Variants in LVRN observed in about 807,000 individuals in gnomAD.
LVRN encodes laeverin, also known as aminopeptidase Q.
In LVRN, 99 loss-of-function variants were observed where a neutral mutation model predicts 111.4. The observed-to-expected ratio is 0.89, with a 90% CI of 0.76 to 1.05. The LOEUF is 1.05. Among genes scored for constraint, LVRN ranks in the 50% least tolerant of loss-of-function variants. The pLI, the probability that LVRN is intolerant of heterozygous loss-of-function variation, is 0.00. For missense variants in LVRN, 1,414 were observed against 1,206.8 expected, an observed-to-expected ratio of 1.17 and a Z score of -2.54; for synonymous variants, 488 against 449.5, an observed-to-expected ratio of 1.09 and a Z score of -1.08.
chr5:115,963,202 C>T lies in LVRN; in HGVS notation c.585C>T (p.Pro195=), dbSNP rs763929908. The stretch of plus-strand genomic sequence containing the variant: ...ACATGGTGCTGGAGCTCAGTGAGCC[C>T]CTGAAACCTGGTAGCAGCTACGAGC... ...TEYMVLELSE[P]LKPGSSYELQ... The change falls in exon 1 of 20, where the codon CCC becomes CCT. Residue 195 remains proline (P), a synonymous_variant. Transcript: ENST00000357872. 1.9e-6 allele frequency: 3 copies of T among 1,612,826 alleles called. No individual in the cohort carries two copies. The Admixed American group carries it at 5.0e-5, about 27-fold the overall frequency.
At chr5:116,011,336 T>C (rs149811696) in intron 14 of LVRN, among the ~76,000 whole-genome samples, 19 of 152,004 alleles carry the variant, frequency 1.2e-4, no homozygotes, top group African/African-American at 3.9e-4. Flanking sequence ...TCCAGAGAGA[T>C]ATATTCCAGA....
intron 18 of LVRN, chr5:116,019,834 C>G (rs1748677298): frequency 6.6e-6 from 1 of 152,216 alleles, no homozygotes; most frequent in Non-Finnish European, 1.5e-5. Context: ...CAAATACCAT[C>G]TCAGGTCCAG....
chr5:115,996,058 T>C (rs934421101), intron 6 of LVRN, among the ~76,000 whole-genome samples: 3 of 152,198 alleles, frequency 2.0e-5, no homozygotes, highest in Non-Finnish European at 4.4e-5. Context: ...AAATTGTTTG[T>C]ATCTCTCTTT....
chr5:115,970,271 C>T (rs1466205463), intron 1 of LVRN, among the ~76,000 whole-genome samples: 2 of 152,078 alleles, frequency 1.3e-5, no homozygotes, highest in Non-Finnish European at 2.9e-5. Context: ...AATTATGGAT[C>T]TGCTTTCTGT....
At chr5:115,975,800 CACTTGGGATATTGAACTTGTTGTTG>C (rs796155989) in intron 1 of LVRN, 9 of 152,746 alleles carry the variant, frequency 5.9e-5, no homozygotes, top group African/African-American at 2.2e-4. Context: ...TGTCTGCTTG[CACTTGGGATATTGAACTTGTTGTTG>C]ACTCTTTGTA....
intron 1 of LVRN, chr5:115,975,399 G>A (rs144987644): frequency 4.0e-5 from 8 of 202,370 alleles, no homozygotes; most frequent in South Asian, 3.5e-4. Flanking sequence ...CTCCACCACC[G>A]TATAACAAAT....
intron 3 of LVRN, among the ~76,000 whole-genome samples, chr5:115,987,166 C>A (rs1171521291): frequency 6.6e-6 from 1 of 151,924 alleles, no homozygotes; most frequent in Non-Finnish European, 1.5e-5. Context: ...ACAAAACGGA[C>A]AAAACATGGC....
chr5:116,003,165 C>A, intron 11 of LVRN, 76 bp from the exon 12 acceptor site: 1 of 1,302,244 alleles, frequency 7.7e-7, no homozygotes, highest in Non-Finnish European at 1.1e-6. Flanking sequence ...TGTTTAGAAT[C>A]GAGTGTGTAG....
rs1480109811 is a variant in LVRN, at chr5:116,003,304, T to G, written c.1961T>G (p.Met654Arg). The G allele has an allele frequency of 6.4e-7, 1 of 1,565,566 alleles. No homozygotes were observed. Among genetic ancestry groups the G allele is most frequent in the Non-Finnish European group, 8.7e-7 (1 of 1,147,902 alleles). The change falls in exon 12 of 20, where the codon ATG (methionine) becomes AGG (arginine). Residue 654 changes from methionine (M) to arginine (R), a missense_variant. Met to Arg is a moderately conservative substitution (Grantham distance 91, BLOSUM62 -1). Coordinates refer to ENST00000357872, the MANE Select transcript of LVRN (RefSeq NM_173800.5). ...DHDWVILNLN[M>R]TGYYRVNYDK... ...GACTGGGTGATTTTGAATTTGAATA[T>G]GACTGGATATTATAGAGTTAATTAT...
intron 1 of LVRN, among the ~76,000 whole-genome samples, chr5:115,971,369 A>G (rs1234951495): frequency 6.6e-6 from 1 of 152,192 alleles, no homozygotes; most frequent in Non-Finnish European, 1.5e-5. Flanking sequence ...CCTTATATAT[A>G]TCAAGCTTTT....
intron 1 of LVRN, among the ~76,000 whole-genome samples, chr5:115,965,398 C>CTAT (rs1397353624): frequency 1.3e-5 from 2 of 152,052 alleles, no homozygotes; most frequent in Non-Finnish European, 2.9e-5. Context: ...CACTACTGAA[C>CTAT]TATTATACAC....
intron 7 of LVRN, 67 bp from the exon 8 acceptor site, chr5:116,000,366 A>G: frequency 6.4e-7 from 1 of 1,564,898 alleles, no homozygotes; most frequent in Admixed American, 1.7e-5. Context: ...TTGCTTATAA[A>G]TATGGAATGT....
chr5:116,001,344 A>G (rs1266698517), intron 10 of LVRN, 105 bp downstream of exon 10: 2 of 1,290,334 alleles, frequency 1.5e-6, no homozygotes, highest in Non-Finnish European at 2.2e-6. Context: ...CTGGGCATAC[A>G]CACTTCTGCA....
intron 17 of LVRN, 52 bp downstream of exon 17, chr5:116,015,471 T>C: frequency 6.8e-7 from 1 of 1,481,270 alleles, no homozygotes; most frequent in African/African-American, 1.4e-5. Flanking sequence ...ATTAAATTAA[T>C]AAAGGAAAAA....
intron 5 of LVRN, among the ~76,000 whole-genome samples, chr5:115,992,761 A>G (rs1028981597): frequency 2.0e-5 from 3 of 152,144 alleles, no homozygotes; most frequent in African/African-American, 7.2e-5. Context: ...TGCATTCCCA[A>G]TGGTTGTGTA....
In LVRN at chr5:116,026,116, T is replaced by C. The variant is rs753771459; in HGVS notation, c.2971T>C (p.Ter991GlnextTer13). Reference protein sequence around the residue: ...RIAAWLRRNT* With the variant: ...RIAAWLRRNTQ ...AGCTGCGTGGCTAAGGAGAAACACA[T>C]AGCTTGTGGCTATCTTTCAGCACTC... The change falls in exon 20 of 20, where the codon TAG becomes CAG. Residue 991 changes from the stop codon to glutamine, a stop_lost. Coordinates refer to ENST00000357872, the MANE Select transcript of LVRN (RefSeq NM_173800.5). 15 of 1,613,686 alleles carry C rather than the reference T, an allele frequency of 9.3e-6. 1 individual carries two copies. In the South Asian group the frequency reaches 1.6e-4, roughly 18 times the overall value.
intron 2 of LVRN, 136 bp from the exon 3 acceptor site, chr5:115,984,434 T>G: frequency 1.9e-6 from 2 of 1,053,850 alleles, no homozygotes; most frequent in Non-Finnish European, 2.7e-6. Context: ...TAGGAGTAGG[T>G]GGAGAAATCT....
chr5:116,003,261 G>A lies in LVRN; in HGVS notation c.1918G>A (p.Val640Ile), dbSNP rs17138632. Reference protein sequence around the residue: ...QSSKVFPEMQVSDSDHDWVIL... With the variant: ...QSSKVFPEMQISDSDHDWVIL... ...TATAGAAGTATTCCCAGAAATGCAA[G>A]TTTCAGATTCTGACCATGACTGGGT... Residue 640 changes from valine to isoleucine, a missense_variant, in exon 12 of 20, where the codon GTT (valine) becomes ATT (isoleucine). By Grantham distance (29) the Val-to-Ile change is conservative. Coordinates refer to ENST00000357872, the MANE Select transcript of LVRN (RefSeq NM_173800.5). 1.3e-6 allele frequency: 2 copies of A among 1,577,906 alleles called. No individual in the cohort carries two copies. The highest frequency in any genetic ancestry group is 1.7e-6 in the Non-Finnish European group (2 of 1,163,380).
Position 115,992,189 on chromosome 5 carries a change from A to T in LVRN, c.1172A>T (p.Glu391Val). Reference sequence around the variant, plus strand: ...AACTGGGGACTAATGATATTTGATGAATCAGGATTGTTGTTGGAACCAAAA... The same window carrying T: ...AACTGGGGACTAATGATATTTGATGTATCAGGATTGTTGTTGGAACCAAAA... ...MENWGLMIFD[E>V]SGLLLEPKDQ... The change falls in exon 5 of 20, where the codon GAA (glutamate) becomes GTA (valine). Residue 391 changes from glutamate to valine, a missense_variant. Glu to Val is a moderately radical substitution (Grantham distance 121, BLOSUM62 -2). Coordinates refer to ENST00000357872, the MANE Select transcript of LVRN (RefSeq NM_173800.5). 6.2e-7 allele frequency: 1 copy of T among 1,614,006 alleles called. No homozygotes were observed. The highest frequency in any genetic ancestry group is 8.5e-7 in the Non-Finnish European group (1 of 1,179,908).
Sources: gnomAD v4.1 joint callset for allele counts (sites outside exome capture counted in the v4.1 genomes callset) on GRCh38, gnomAD v4.1.1 for gene constraint, MANE v1.5 for transcripts, NCBI Gene and HGNC (gene_info 2026-07-23, HGNC 2026-07-21) for gene names.